The following NPAS3 variants were observed in gnomAD, a reference collection of about 807,000 sequenced individuals.
NPAS3 encodes the protein neuronal PAS domain protein 3.
A neutral mutation model predicts 73.1 loss-of-function variants in NPAS3; 14 were observed. The observed-to-expected ratio is 0.19, with a 90% CI of 0.13 to 0.30. The LOEUF (loss-of-function observed/expected upper bound fraction) is 0.30. Among genes scored for constraint, NPAS3 ranks in the 10% least tolerant of loss-of-function variants. NPAS3 has a pLI of 1.00. For missense variants in NPAS3, 1,096 were observed against 1,250.0 expected, an observed-to-expected ratio of 0.88 and a Z score of 1.86; for synonymous variants, 620 against 541.5, an observed-to-expected ratio of 1.14 and a Z score of -2.01.
upstream of NPAS3, among the ~76,000 whole-genome samples, chr14:32,938,082 A>C (rs2035756782): frequency 6.6e-6 from 1 of 152,060 alleles, no homozygotes; most frequent in Non-Finnish European, 1.5e-5. Flanking sequence ...TGTGAGTTTA[A>C]ACGCGCGGGG....
At chr14:33,406,524 G>A (rs1371706) in intron 4 of NPAS3, among the ~76,000 whole-genome samples, 24,900 of 151,964 alleles carry the variant, frequency 0.16, 2,279 homozygotes, top group Admixed American at 0.25. Context: ...AACAGAAGAC[G>A]GCACAGGAGA....
At chr14:33,152,420 C>T (rs995721840) in intron 2 of NPAS3, among the ~76,000 whole-genome samples, 12 of 152,136 alleles carry the variant, frequency 7.9e-5, no homozygotes, top group Admixed American at 2.0e-4. Flanking sequence ...ATTCATTACA[C>T]TTAGCTGGCC....
chr14:33,713,028 G>A (rs1165407475), intron 6 of NPAS3, among the ~76,000 whole-genome samples: 1 of 152,108 alleles, frequency 6.6e-6, no homozygotes, highest in African/African-American at 2.4e-5. Flanking sequence ...TTATCCCAGA[G>A]TCAACCCTTC....
intron 2 of NPAS3, among the ~76,000 whole-genome samples, chr14:33,142,140 G>T (rs1001774062): frequency 8.2e-6 from 1 of 121,764 alleles, no homozygotes; most frequent in Admixed American, 8.4e-5. Context: ...TTAGTACTTT[G>T]TACAATTTTA....
At chr14:33,374,003 T>C (rs2046210018) in intron 4 of NPAS3, among the ~76,000 whole-genome samples, 5 of 152,166 alleles carry the variant, frequency 3.3e-5, no homozygotes, top group Admixed American at 1.3e-4. Flanking sequence ...ATAACCCTCT[T>C]GTTCAGGACA....
At chr14:33,507,531 C>A (rs1319952032) in intron 4 of NPAS3, among the ~76,000 whole-genome samples, 1 of 151,908 alleles carries the variant, frequency 6.6e-6, no homozygotes, top group Non-Finnish European at 1.5e-5. Context: ...TGTTCTTTCC[C>A]AAGCATAGTA....
chr14:33,551,746 A>G (rs2055126644), intron 4 of NPAS3, among the ~76,000 whole-genome samples: 1 of 152,084 alleles, frequency 6.6e-6, no homozygotes, highest in Admixed American at 6.6e-5. Flanking sequence ...ATTATTTATT[A>G]CCCGTGGGGT....
chr14:33,439,099 TAA>T lies in NPAS3; in HGVS notation c.468+71842_468+71843del, dbSNP rs11341900. On this transcript the variant is annotated intron_variant, in intron 4 of 11. Coordinates refer to ENST00000356141, the Ensembl canonical transcript of NPAS3. Reference sequence around the variant, plus strand: ...ATCTTAGGAAAATAGTACCTGTCTTTAAAAAAAAAAAATCCAAAGCATTTTGC... The same window carrying T: ...ATCTTAGGAAAATAGTACCTGTCTTTAAAAAAAAAATCCAAAGCATTTTGC... Among the ~76,000 whole-genome samples the T allele has an allele frequency of 5.2e-3, 773 of 149,222 alleles. 7 individuals carry two copies. Among genetic ancestry groups the T allele is most frequent in the African/African-American group, 0.016 (666 of 41,000 alleles).
chr14:33,101,401 G>A (rs888675941), intron 2 of NPAS3, among the ~76,000 whole-genome samples: 4 of 152,114 alleles, frequency 2.6e-5, no homozygotes, highest in Non-Finnish European at 4.4e-5. Flanking sequence ...TGTTCAGATG[G>A]CAACATATGA....
chr14:33,157,294 A>T (rs986335729), intron 2 of NPAS3, among the ~76,000 whole-genome samples: 1 of 152,096 alleles, frequency 6.6e-6, no homozygotes, highest in South Asian at 2.1e-4. Context: ...TAAACACAGA[A>T]CTCTTCTTTA....
intron 3 of NPAS3, among the ~76,000 whole-genome samples, chr14:33,342,877 T>C (rs1297723633): frequency 4.6e-5 from 7 of 152,298 alleles, no homozygotes; most frequent in African/African-American, 1.7e-4. Context: ...TTTAATATAG[T>C]ATTTGTTTAT....
At chr14:33,197,702 G>A (rs1196092143) in intron 2 of NPAS3, among the ~76,000 whole-genome samples, 4 of 152,166 alleles carry the variant, frequency 2.6e-5, no homozygotes, top group Non-Finnish European at 5.9e-5. Context: ...CTAGATAGTT[G>A]CCTTATTCAG....
intron 3 of NPAS3, among the ~76,000 whole-genome samples, chr14:33,289,821 C>CA (rs34641267): frequency 0.015 from 2,166 of 142,158 alleles, 22 homozygotes; most frequent in South Asian, 0.045. Flanking sequence ...GACTCCGTCT[C>CA]AAAAAAAAAA....
intron 3 of NPAS3, among the ~76,000 whole-genome samples, chr14:33,218,863 G>A (rs1368550558): frequency 1.3e-5 from 2 of 152,122 alleles, no homozygotes; most frequent in African/African-American, 4.8e-5. Context: ...AGTCCATAAA[G>A]GTTGATGAGT....
At chr14:33,129,214 G>T (rs556270595) in intron 2 of NPAS3, among the ~76,000 whole-genome samples, 11 of 152,246 alleles carry the variant, frequency 7.2e-5, no homozygotes, top group African/African-American at 2.6e-4. Flanking sequence ...GTGAGTCTAA[G>T]AGTAAGAAAT....
At chr14:33,570,504 T>C (rs1303693208) in intron 5 of NPAS3, among the ~76,000 whole-genome samples, 1 of 152,104 alleles carries the variant, frequency 6.6e-6, no homozygotes, top group African/African-American at 2.4e-5. Context: ...TTCCCTGAAA[T>C]AATAATAAAA....
chr14:33,077,597 G>A (rs1047360718), intron 2 of NPAS3, among the ~76,000 whole-genome samples: 8 of 151,986 alleles, frequency 5.3e-5, no homozygotes, highest in African/African-American at 1.7e-4. Context: ...TTTTGTAAAT[G>A]TTTGAAAGTG....
intron 4 of NPAS3, among the ~76,000 whole-genome samples, chr14:33,460,606 A>G (rs1859450983): frequency 6.6e-6 from 1 of 152,148 alleles, no homozygotes; most frequent in Non-Finnish European, 1.5e-5. Flanking sequence ...ATTTTATTGA[A>G]TAATCACGTA....
chr14:33,202,449 A>T (rs2046653371), intron 2 of NPAS3, among the ~76,000 whole-genome samples: 1 of 152,152 alleles, frequency 6.6e-6, no homozygotes, highest in Admixed American at 6.6e-5. Flanking sequence ...ATCCTGTTAC[A>T]TAAGTAGACT....
Sources: allele counts gnomAD v4.1 joint callset (sites outside exome capture counted in the v4.1 genomes callset), GRCh38; gene constraint gnomAD v4.1.1; transcripts MANE v1.5; gene names NCBI Gene and HGNC (gene_info 2026-07-23, HGNC 2026-07-21).